The following ENTREP2 variants were observed in gnomAD, a reference collection of about 807,000 sequenced individuals.
ENTREP2 encodes the protein protein ENTREP2.
At chr15:29,381,813 TGA>T in the ENTREP2 span, 1 of 1,551,262 alleles carries the variant, frequency 6.4e-7, no homozygotes. Context: ...ACGACACCTA[TGA>T]GTCCCGACAG....
the ENTREP2 span, among the ~76,000 whole-genome samples, chr15:29,504,044 A>C: frequency 6.6e-6 from 1 of 152,224 alleles, no homozygotes; most frequent in Non-Finnish European, 1.5e-5. Context: ...TTGGTATTGG[A>C]GAGAAAGTAG....
the ENTREP2 span, among the ~76,000 whole-genome samples, chr15:29,247,348 C>G: frequency 8.6e-3 from 1,305 of 152,220 alleles, 22 homozygotes; most frequent in African/African-American, 0.03. Context: ...TCCATTCTTT[C>G]CAAGTCTTGG....
the ENTREP2 span, among the ~76,000 whole-genome samples, chr15:29,224,028 A>G: frequency 6.6e-6 from 1 of 152,014 alleles, no homozygotes; most frequent in Non-Finnish European, 1.5e-5. Flanking sequence ...ACTGACTTCC[A>G]GAACGAAGCC....
chr15:29,660,540 T>C, the ENTREP2 span, among the ~76,000 whole-genome samples: 16 of 152,328 alleles, frequency 1.1e-4, no homozygotes, highest in Admixed American at 9.8e-4. Context: ...GACTAAGACA[T>C]GTACCTTTCA....
At chr15:29,555,159 C>T in the ENTREP2 span, among the ~76,000 whole-genome samples, 1 of 152,232 alleles carries the variant, frequency 6.6e-6, no homozygotes, top group Middle Eastern at 3.2e-3. Context: ...GAAGGATACT[C>T]ATCTATGATC....
At chr15:29,403,124 T>C in the ENTREP2 span, among the ~76,000 whole-genome samples, 2 of 152,012 alleles carry the variant, frequency 1.3e-5, no homozygotes, top group Admixed American at 6.6e-5. Flanking sequence ...CAACAAGGTG[T>C]GTAGGGGAGG....
At chr15:29,321,518 G>A in the ENTREP2 span, among the ~76,000 whole-genome samples, 4 of 151,666 alleles carry the variant, frequency 2.6e-5, no homozygotes, top group South Asian at 4.2e-4. Context: ...GCATGGTGGC[G>A]GGCACCTATA....
chr15:29,520,128 G>A, the ENTREP2 span, among the ~76,000 whole-genome samples: 417 of 152,264 alleles, frequency 2.7e-3, 2 homozygotes, highest in African/African-American at 9.4e-3. Context: ...TCACATGGAT[G>A]CGCATGACGG....
the ENTREP2 span, among the ~76,000 whole-genome samples, chr15:29,308,424 T>A: frequency 1.3e-5 from 2 of 152,176 alleles, no homozygotes; most frequent in Admixed American, 1.3e-4. Context: ...CTTTCACTAC[T>A]GATAATGACA....
At chr15:29,370,620 C>T in the ENTREP2 span, among the ~76,000 whole-genome samples, 2 of 151,886 alleles carry the variant, frequency 1.3e-5, no homozygotes, top group Non-Finnish European at 2.9e-5. Flanking sequence ...ATCCTGGCTG[C>T]ATATTGAAAT....
the ENTREP2 span, among the ~76,000 whole-genome samples, chr15:29,588,466 T>C: frequency 7.0e-6 from 1 of 142,512 alleles, no homozygotes; most frequent in Non-Finnish European, 1.5e-5. Context: ...AGACTCTGTA[T>C]CAAAAAGAAA....
At chr15:29,488,238 A>T in the ENTREP2 span, among the ~76,000 whole-genome samples, 1 of 152,240 alleles carries the variant, frequency 6.6e-6, no homozygotes, top group Non-Finnish European at 1.5e-5. Context: ...AGAAATTATA[A>T]AAGGGAGTCA....
At chr15:29,637,812 C>T in the ENTREP2 span, among the ~76,000 whole-genome samples, 3 of 152,106 alleles carry the variant, frequency 2.0e-5, no homozygotes, top group African/African-American at 4.8e-5. Context: ...GTGTGCAGAG[C>T]GGAGGAGTCA....
the ENTREP2 span, among the ~76,000 whole-genome samples, chr15:29,663,670 A>T: frequency 6.6e-6 from 1 of 152,084 alleles, no homozygotes; most frequent in Non-Finnish European, 1.5e-5. Flanking sequence ...CAATGAGAAC[A>T]CTTGGACACA....
chr15:29,347,354 G>C, the ENTREP2 span, among the ~76,000 whole-genome samples: 1 of 151,644 alleles, frequency 6.6e-6, no homozygotes, highest in Non-Finnish European at 1.5e-5. Flanking sequence ...ATTTTTTATA[G>C]AGACAAGGTC....
chr15:29,398,042 A>G, the ENTREP2 span, among the ~76,000 whole-genome samples: 1 of 151,550 alleles, frequency 6.6e-6, no homozygotes, highest in East Asian at 1.9e-4. Context: ...GGCAAAAGTT[A>G]CATTAAGTTA....
chr15:29,588,991 G>GAA, the ENTREP2 span, among the ~76,000 whole-genome samples: 1 of 107,630 alleles, frequency 9.3e-6, no homozygotes, highest in South Asian at 2.9e-4. Context: ...CCTTGTCTCA[G>GAA]AAAAAAAAAA....
At chr15:29,666,557 T>C in the ENTREP2 span, among the ~76,000 whole-genome samples, 1 of 152,192 alleles carries the variant, frequency 6.6e-6, no homozygotes, top group Non-Finnish European at 1.5e-5. Flanking sequence ...CTCACTGTGC[T>C]GCTCCCTGCT....
At chr15:29,363,539 TA>T in the ENTREP2 span, among the ~76,000 whole-genome samples, 1 of 152,222 alleles carries the variant, frequency 6.6e-6, no homozygotes, top group Non-Finnish European at 1.5e-5. Context: ...CGTAAGATTT[TA>T]AGCTTTCTTA....
Sources: allele counts gnomAD v4.1 joint callset (sites outside exome capture counted in the v4.1 genomes callset), GRCh38; gene constraint gnomAD v4.1.1; transcripts MANE v1.5; gene names NCBI Gene and HGNC (gene_info 2026-07-23, HGNC 2026-07-21).